Variants in WDSUB1 observed in about 807,000 individuals in gnomAD.
WDSUB1 encodes the protein WD repeat, sterile alpha motif and U-box domain containing 1.
A neutral mutation model predicts 53.9 loss-of-function variants in WDSUB1; 49 were observed. That is an observed-to-expected ratio of 0.91 (90% CI 0.72 to 1.15). The LOEUF (loss-of-function observed/expected upper bound fraction) is 1.15. Ranked by LOEUF, WDSUB1 falls within the 50% of genes most tolerant of loss-of-function variation. The pLI is 0.00. For synonymous variants in WDSUB1, 194 were observed against 200.6 expected (o/e 0.97, Z 0.28); for missense variants, 514 against 562.0 (o/e 0.91, Z 0.86).
At chr2:159,262,490 A>G (rs1445542553) in intron 5 of WDSUB1, among the ~76,000 whole-genome samples, 1 of 151,704 alleles carries the variant, frequency 6.6e-6, no homozygotes, top group African/African-American at 2.4e-5. Context: ...AAACATGAAT[A>G]AACCAGTAGG....
rs1387109077 is a variant in WDSUB1, at chr2:159,235,900, A to G, written c.*133T>C. ...TGTTTTTTAAAGAATGAAAATTGAC[A>G]ATTTTTATAGGTAACTAAATTTAAG... is the stretch of plus-strand genomic sequence containing the variant. On this transcript the variant is annotated 3_prime_UTR_variant, in exon 11 of 11. Coordinates refer to ENST00000359774, the MANE Select transcript of WDSUB1 (RefSeq NM_001128212.3). 1 of 918,016 alleles carries G rather than the reference A, an allele frequency of 1.1e-6. No homozygotes were observed. Among genetic ancestry groups the G allele is most frequent in the Non-Finnish European group, 1.5e-6 (1 of 671,542 alleles). The allele number at this position is 918,016 out of a possible 1,614,324, so 56.9% of individuals were successfully genotyped here.
rs1369583418 is a variant in WDSUB1, at chr2:159,283,081, G to A, written c.-12C>T. 6.3e-7 allele frequency: 1 copy of A among 1,583,706 alleles called. No homozygotes were observed. Among genetic ancestry groups the A allele is most frequent in the South Asian group, 1.1e-5 (1 of 87,376 alleles). On this transcript the variant is annotated 5_prime_UTR_variant, in exon 2 of 11. Coordinates refer to ENST00000359774, the MANE Select transcript of WDSUB1 (RefSeq NM_001128212.3). ...ATCAGTTTCACCATGTTCTTTATTT[G>A]AAGAAAAACAGCCTGAAATTTTTAA...
intron 9 of WDSUB1, among the ~76,000 whole-genome samples, chr2:159,253,070 A>G (rs1481493395): frequency 6.6e-6 from 1 of 152,248 alleles, no homozygotes; most frequent in Non-Finnish European, 1.5e-5. Context: ...ACTGAGGCCA[A>G]TGAGTAGCTA....
At chr2:159,244,386 TA>T (rs11437326) in intron 10 of WDSUB1, among the ~76,000 whole-genome samples, 2,398 of 117,862 alleles carry the variant, frequency 0.02, 20 homozygotes, top group Non-Finnish European at 0.03. Context: ...TAACTGCTGA[TA>T]AAAAAAAAAA....
intron 9 of WDSUB1, among the ~76,000 whole-genome samples, chr2:159,255,392 G>A (rs187877013): frequency 0.04 from 6,117 of 152,156 alleles, 395 homozygotes; most frequent in African/African-American, 0.14. Context: ...GTGTGAACCT[G>A]GGAGGCGGAG....
chr2:159,272,668 T>TA (rs962933777), intron 4 of WDSUB1, among the ~76,000 whole-genome samples: 1 of 152,164 alleles, frequency 6.6e-6, no homozygotes, highest in Non-Finnish European at 1.5e-5. Context: ...CCAAAAGACT[T>TA]AAAAAAATGC....
chr2:159,246,346 G>A (rs192651262), intron 10 of WDSUB1, among the ~76,000 whole-genome samples: 17 of 151,460 alleles, frequency 1.1e-4, no homozygotes, highest in East Asian at 2.0e-4. Flanking sequence ...GCAGGAGAAC[G>A]GTGTGAACCC....
chr2:159,279,866 A>C lies in WDSUB1; in HGVS notation c.478T>G (p.Cys160Gly), dbSNP rs749086033. Reference protein sequence around the residue: ...NGSFFVTGSSCGDLTVWDDKM... With the variant: ...NGSFFVTGSSGGDLTVWDDKM... ...TCATCCCACACTGTTAAATCACCAC[A>C]TGAGGAGCCAGTGACAAAGAAGCTT... Residue 160 changes from cysteine to glycine, a missense_variant, in exon 3 of 11, where the codon TGT becomes GGT. By Grantham distance (159) the Cys-to-Gly change is radical. Coordinates refer to ENST00000359774, the MANE Select transcript of WDSUB1 (RefSeq NM_001128212.3). The C allele has an allele frequency of 4.3e-6, 7 of 1,612,780 alleles. No homozygotes were observed. The South Asian group carries it at 7.7e-5, about 18-fold the overall frequency.
At chr2:159,258,073 C>T (rs2061108281) in intron 6 of WDSUB1, 88 bp from the exon 7 acceptor site, 1 of 1,130,886 alleles carries the variant, frequency 8.8e-7, no homozygotes, top group South Asian at 1.3e-5. Flanking sequence ...GGGTTGTATA[C>T]TAAGTGGATA....
intron 4 of WDSUB1, among the ~76,000 whole-genome samples, chr2:159,274,294 C>T (rs954849390): frequency 5.3e-5 from 8 of 152,124 alleles, no homozygotes; most frequent in African/African-American, 9.6e-5. Context: ...ATTTGAGGCC[C>T]GGAGTTCAAG....
At position 159,282,536 on chromosome 2, in the gene WDSUB1, C is replaced by T. The variant is rs950131416; in HGVS notation, c.398+136G>A. On this transcript the variant is annotated intron_variant, in intron 2 of 10. Coordinates refer to ENST00000359774, the MANE Select transcript of WDSUB1 (RefSeq NM_001128212.3). ...TGTGCTACCTGAAAACTATTGGCTT[C>T]CTAGGGTCATCAAAATATTTTTCTT... 4.3e-5 allele frequency: 45 copies of T among 1,038,942 alleles called. No individual in the cohort carries two copies. The Middle Eastern group carries it at 9.5e-4, about 22-fold the overall frequency. 64.4% of individuals were successfully genotyped at this position (1,038,942 alleles called of 1,614,324 possible).
rs111752652 is a variant in WDSUB1, at chr2:159,280,708, A to AAAAAAAAAAAAAAAAAAAC, written c.399-764_399-763insGTTTTTTTTTTTTTTTTTT. ...TCCGTCTCAAAAAAAAAAAAAAAAA[A>AAAAAAAAAAAAAAAAAAAC]ATTACCCAGAAGCAATGGCGAGGTC... On this transcript the variant is annotated intron_variant, in intron 2 of 10. Transcript: ENST00000359774. Among the ~76,000 whole-genome samples, 139 of 134,314 alleles carry AAAAAAAAAAAAAAAAAAAC rather than the reference A, an allele frequency of 1.0e-3. 7 individuals are homozygous for AAAAAAAAAAAAAAAAAAAC. Among genetic ancestry groups the AAAAAAAAAAAAAAAAAAAC allele is most frequent in the African/African-American group, 3.3e-3 (97 of 29,654 alleles). The allele number at this position is 134,314 out of a possible 152,430, so 88.1% of individuals were successfully genotyped here.
Position 159,257,864 on chromosome 2 carries a change from C to T in WDSUB1, c.846G>A (p.Arg282=). The change falls in exon 8 of 11, where the codon AGG becomes AGA. Residue 282 remains arginine (R), a splice_region_variant and synonymous_variant. Transcript: ENST00000359774. ...GTGCAAAAGCACAAGTTGTGACATA[C>T]CTAGTTAATAAAAACAACTATTATG... The part of the protein sequence containing the change: ...NILHTLTQHT[R]YVTTCAFAPN... 1 of 1,613,444 alleles carries T rather than the reference C, an allele frequency of 6.2e-7. No homozygotes were observed. The highest frequency in any genetic ancestry group is 8.5e-7 in the Non-Finnish European group (1 of 1,179,450).
At chr2:159,256,159 G>A in intron 9 of WDSUB1, 37 bp downstream of exon 9, 1 of 1,559,390 alleles carries the variant, frequency 6.4e-7, no homozygotes, top group Non-Finnish European at 8.6e-7. Flanking sequence ...TTTGGTAAAA[G>A]TTGTTTTGAA....
chr2:159,239,551 G>A (rs1168043954), intron 10 of WDSUB1, among the ~76,000 whole-genome samples: 1 of 134,600 alleles, frequency 7.4e-6, no homozygotes, highest in Admixed American at 6.9e-5. Context: ...ATAGCTGAGA[G>A]AGAGCATCCT....
intron 5 of WDSUB1, among the ~76,000 whole-genome samples, chr2:159,267,498 T>A (rs1044065642): frequency 3.3e-5 from 5 of 151,874 alleles, no homozygotes; most frequent in Non-Finnish European, 5.9e-5. Flanking sequence ...AGGGACTGGG[T>A]CTCACTGTGT....
chr2:159,250,930 AC>A (rs1470412299), intron 9 of WDSUB1, among the ~76,000 whole-genome samples: 1 of 152,028 alleles, frequency 6.6e-6, no homozygotes, highest in African/African-American at 2.4e-5. Flanking sequence ...TTGCAATAAG[AC>A]AGTAGACATC....
chr2:159,255,154 A>G (rs1395329380), intron 9 of WDSUB1, among the ~76,000 whole-genome samples: 1 of 151,968 alleles, frequency 6.6e-6, no homozygotes, highest in Non-Finnish European at 1.5e-5. Context: ...TGCCACCCCC[A>G]CACAAAAAGA....
At chr2:159,244,463 G>C (rs1045689219) in intron 10 of WDSUB1, among the ~76,000 whole-genome samples, 3 of 151,984 alleles carry the variant, frequency 2.0e-5, no homozygotes, top group Non-Finnish European at 4.4e-5. Flanking sequence ...AAGTAAGCTA[G>C]AGATGATTTG....
Sources: gnomAD v4.1 joint callset for allele counts (sites outside exome capture counted in the v4.1 genomes callset) on GRCh38, gnomAD v4.1.1 for gene constraint, MANE v1.5 for transcripts, NCBI Gene and HGNC (gene_info 2026-07-23, HGNC 2026-07-21) for gene names.